LINGO2: variants seen among roughly 807,000 people sequenced by gnomAD.
The protein encoded by LINGO2 is leucine rich repeat and Ig domain containing 2.
Under a neutral mutation model 30.6 loss-of-function variants are expected in LINGO2, and 14 were observed. That is an observed-to-expected ratio of 0.46 (90% confidence interval 0.30 to 0.72). The LOEUF (loss-of-function observed/expected upper bound fraction) is 0.72, where lower values mean the gene tolerates loss of function less well. LINGO2 is among the 30% of genes least tolerant of loss of function. The probability of loss-of-function intolerance (pLI) is 0.07; values close to 1 mark genes in which losing one functional copy is unlikely to be tolerated. For missense variants in LINGO2, 729 were observed against 751.7 expected (o/e 0.97, Z 0.35); for synonymous variants, 317 against 288.5 (o/e 1.10, Z -1.00).
the LINGO2 span, among the ~76,000 whole-genome samples, chr9:28,855,233 G>A: frequency 1.3e-5 from 2 of 151,944 alleles, no homozygotes; most frequent in Admixed American, 6.6e-5. Flanking sequence ...ATAAGAAGCA[G>A]ATAATTGCAA....
intron 4 of LINGO2, among the ~76,000 whole-genome samples, chr9:28,150,408 A>T (rs919349331): frequency 1.3e-5 from 2 of 152,046 alleles, no homozygotes; most frequent in Non-Finnish European, 2.9e-5. Context: ...ACATGGTGAA[A>T]CTCCGTCTCT....
the LINGO2 span, among the ~76,000 whole-genome samples, chr9:28,742,803 A>G: frequency 6.6e-6 from 1 of 151,476 alleles, no homozygotes; most frequent in African/African-American, 2.4e-5. Flanking sequence ...TACCATTTCA[A>G]ATTTTCTTAC....
chr9:28,664,590 G>C (rs1828717352), intron 1 of LINGO2, among the ~76,000 whole-genome samples: 1 of 152,034 alleles, frequency 6.6e-6, no homozygotes, highest in South Asian at 2.1e-4. Flanking sequence ...CTGTGGAAGG[G>C]CCTTTCAGTT....
chr9:28,828,127 G>A, the LINGO2 span, among the ~76,000 whole-genome samples: 1 of 151,666 alleles, frequency 6.6e-6, no homozygotes, highest in Non-Finnish European at 1.5e-5. Context: ...ATATATTTAT[G>A]TAATAGTTAA....
At chr9:28,400,961 T>G (rs908520356) in intron 2 of LINGO2, among the ~76,000 whole-genome samples, 4 of 152,194 alleles carry the variant, frequency 2.6e-5, no homozygotes, top group Non-Finnish European at 5.9e-5. Context: ...TTTTTTCTGT[T>G]TTTTATTTCT....
At chr9:28,292,130 G>T (rs181510988) in intron 4 of LINGO2, among the ~76,000 whole-genome samples, 2 of 152,180 alleles carry the variant, frequency 1.3e-5, no homozygotes, top group Non-Finnish European at 2.9e-5. Context: ...ATCTGTGGAA[G>T]CACTTGTTTG....
At chr9:28,878,810 A>T in the LINGO2 span, among the ~76,000 whole-genome samples, 1 of 152,158 alleles carries the variant, frequency 6.6e-6, no homozygotes, top group Admixed American at 6.5e-5. Context: ...AAAAACTCTC[A>T]ATAAATTAGG....
the LINGO2 span, among the ~76,000 whole-genome samples, chr9:28,724,195 A>C: frequency 1.3e-5 from 2 of 152,116 alleles, no homozygotes; most frequent in Non-Finnish European, 2.9e-5. Flanking sequence ...TAATAATATA[A>C]ACCACTGTTT....
At chr9:28,018,049 T>C (rs1445689038) in intron 4 of LINGO2, among the ~76,000 whole-genome samples, 1 of 151,994 alleles carries the variant, frequency 6.6e-6, no homozygotes, top group African/African-American at 2.4e-5. Flanking sequence ...CTGAAAATAA[T>C]GCCATATGCC....
intron 4 of LINGO2, among the ~76,000 whole-genome samples, chr9:28,249,357 A>G (rs1822113940): frequency 6.6e-6 from 1 of 152,100 alleles, no homozygotes; most frequent in Admixed American, 6.6e-5. Flanking sequence ...CCAGTAATTG[A>G]GTTTGGATCA....
At chr9:29,142,285 G>C in the LINGO2 span, among the ~76,000 whole-genome samples, 2 of 151,702 alleles carry the variant, frequency 1.3e-5, no homozygotes, top group African/African-American at 4.8e-5. Context: ...GTAGAAATTA[G>C]ACAATATACT....
At chr9:28,181,965 T>C (rs903472019) in intron 4 of LINGO2, among the ~76,000 whole-genome samples, 2 of 152,034 alleles carry the variant, frequency 1.3e-5, no homozygotes, top group Non-Finnish European at 2.9e-5. Flanking sequence ...ACAAACTACT[T>C]TAAATTTCAT....
At chr9:28,243,169 C>T (rs538734817) in intron 4 of LINGO2, among the ~76,000 whole-genome samples, 19 of 151,980 alleles carry the variant, frequency 1.3e-4, no homozygotes, top group Admixed American at 7.9e-4. Context: ...TTAAAAGACA[C>T]GGACTAGGCT....
At chr9:28,823,326 G>C in the LINGO2 span, among the ~76,000 whole-genome samples, 1 of 152,148 alleles carries the variant, frequency 6.6e-6, no homozygotes, top group Non-Finnish European at 1.5e-5. Context: ...ATGGTTCCTA[G>C]AAATCCAGCA....
rs117977955 is a variant in LINGO2, at chr9:28,303,000, C to G, written c.-245-7634G>C. Among the ~76,000 whole-genome samples, 118 of 152,204 alleles carry G rather than the reference C, an allele frequency of 7.8e-4. 1 individual carries two copies. Among genetic ancestry groups the G allele is most frequent in the Non-Finnish European group, 1.6e-3 (109 of 68,004 alleles). On this transcript the variant is annotated intron_variant, in intron 3 of 5. Coordinates refer to ENST00000379992, the Ensembl canonical transcript of LINGO2. ...TGTATAGGTCTTACGCTTTCTAGCACAATAAATGCTCTGTATGTCATTTGT... is the reference window on the plus strand; with the variant it reads ...TGTATAGGTCTTACGCTTTCTAGCAGAATAAATGCTCTGTATGTCATTTGT...
the LINGO2 span, among the ~76,000 whole-genome samples, chr9:28,897,969 C>T: frequency 8.6e-5 from 13 of 151,978 alleles, no homozygotes; most frequent in Non-Finnish European, 1.3e-4. Context: ...TAAGCTAGTT[C>T]TTCATCATTA....
intron 2 of LINGO2, among the ~76,000 whole-genome samples, chr9:28,392,533 C>CAG (rs1489451892): frequency 1.3e-5 from 2 of 152,134 alleles, no homozygotes; most frequent in African/African-American, 4.8e-5. Flanking sequence ...TATGGGAGAG[C>CAG]AGCAGGTGCA....
chr9:28,888,593 T>C, the LINGO2 span, among the ~76,000 whole-genome samples: 13 of 152,128 alleles, frequency 8.5e-5, no homozygotes, highest in Admixed American at 2.6e-4. Flanking sequence ...ATTCATTTCA[T>C]TGAATAATTT....
chr9:28,049,590 ACCGCTT>A (rs1462024354), intron 4 of LINGO2, among the ~76,000 whole-genome samples: 8 of 150,674 alleles, frequency 5.3e-5, no homozygotes, highest in Non-Finnish European at 7.4e-5. Context: ...TCTAGATTTT[ACCGCTT>A]ATTAGCTTAT....
Sources: allele counts gnomAD v4.1 joint callset (sites outside exome capture counted in the v4.1 genomes callset), GRCh38; gene constraint gnomAD v4.1.1; transcripts MANE v1.5; gene names NCBI Gene and HGNC (gene_info 2026-07-23, HGNC 2026-07-21).